Variants in JADE2 observed in about 807,000 individuals in gnomAD.
JADE2 encodes the protein E3 ubiquitin-protein ligase Jade-2.
A neutral mutation model predicts 85.7 loss-of-function variants in JADE2; 13 were observed. The ratio of observed to expected loss-of-function variants is 0.15; its 90% CI spans 0.10 to 0.24. The LOEUF (loss-of-function observed/expected upper bound fraction) is 0.24. Among genes scored for constraint, JADE2 ranks in the 10% least tolerant of loss-of-function variants. The pLI is 1.00. For missense variants in JADE2, 846 were observed against 1,115.9 expected (o/e 0.76, Z 3.45); for synonymous variants, 440 against 456.1 (o/e 0.96, Z 0.45).
At chr5:134,531,046 TGGGTATTCCG>T (rs1159472176) in intron 1 of JADE2, among the ~76,000 whole-genome samples, 2 of 152,162 alleles carry the variant, frequency 1.3e-5, no homozygotes, top group East Asian at 3.8e-4. Context: ...ACAGCTGGGA[TGGGTATTCCG>T]TGGACACTGG....
In JADE2 at chr5:134,564,485, C is replaced by T; in HGVS notation, c.853-9C>T. The T allele has an allele frequency of 6.4e-7, 1 of 1,574,338 alleles. No individual in the cohort carries two copies. Among genetic ancestry groups the T allele is most frequent in the East Asian group, 2.3e-5 (1 of 43,868 alleles). Reference sequence around the variant, plus strand: ...AGAGGAATGATGCAGCCCCCTGTGTCCTGCCCAGGTCAGCATCGGCTGCCC... The same window carrying T: ...AGAGGAATGATGCAGCCCCCTGTGTTCTGCCCAGGTCAGCATCGGCTGCCC... On this transcript the variant is annotated splice_polypyrimidine_tract_variant and intron_variant, in intron 7 of 11. Coordinates refer to ENST00000681547, the MANE Select transcript of JADE2 (RefSeq NM_001388185.1).
At chr5:134,530,771 T>C (rs910025177) in intron 1 of JADE2, among the ~76,000 whole-genome samples, 2 of 152,084 alleles carry the variant, frequency 1.3e-5, no homozygotes, top group African/African-American at 2.4e-5. Flanking sequence ...TAAAGCCTCC[T>C]GGAAAATGTG....
At chr5:134,573,885 C>G (rs1437737955) in intron 10 of JADE2, 123 bp downstream of exon 10, 2 of 770,632 alleles carry the variant, frequency 2.6e-6, no homozygotes, top group Non-Finnish European at 4.7e-6. Flanking sequence ...GGGCCACTGG[C>G]CCCCACTCCT....
intron 7 of JADE2, among the ~76,000 whole-genome samples, chr5:134,563,489 T>C (rs534868162): frequency 3.6e-4 from 55 of 152,296 alleles, no homozygotes; most frequent in Admixed American, 2.4e-3. Context: ...CCTGGGTGCC[T>C]GGCAGGCCAG....
intron 11 of JADE2, 86 bp downstream of exon 11, chr5:134,576,982 C>T (rs548166908): frequency 6.9e-7 from 1 of 1,440,946 alleles, no homozygotes; most frequent in Non-Finnish European, 9.2e-7. Flanking sequence ...GGAAGGCCAG[C>T]TGCACAGAGT....
intron 6 of JADE2, 25 bp downstream of exon 6, chr5:134,560,982 C>T: frequency 5.0e-6 from 8 of 1,597,572 alleles, no homozygotes; most frequent in Non-Finnish European, 6.8e-6. Context: ...CAGTCACCCT[C>T]ACCTGTGCCA....
Position 134,530,647 on chromosome 5 carries a change from A to T in JADE2, c.-1+4636A>T, listed in dbSNP as rs534191703. Among the ~76,000 whole-genome samples, 86 of 152,374 alleles carry T rather than the reference A, an allele frequency of 5.6e-4. 1 individual carries two copies. Among genetic ancestry groups the T allele is most frequent in the Non-Finnish European group, 6.6e-4 (45 of 68,032 alleles). ...CATTGGGCATTGGTGTTTTAAGTCC[A>T]GACCTGAGGCCCTCACTAAGGCCAA... is the stretch of plus-strand genomic sequence containing the variant. On this transcript the variant is annotated intron_variant, in intron 1 of 11. Coordinates refer to ENST00000681547, the MANE Select transcript of JADE2 (RefSeq NM_001388185.1).
At chr5:134,546,382 G>T (rs549662865) in intron 3 of JADE2, among the ~76,000 whole-genome samples, 116 of 152,280 alleles carry the variant, frequency 7.6e-4, no homozygotes, top group Non-Finnish European at 2.4e-4. Flanking sequence ...GTCAAACACT[G>T]TGCCAAAAGC....
At chr5:134,533,559 G>A (rs1761382615) in intron 1 of JADE2, 1 of 985,256 alleles carries the variant, frequency 1.0e-6, no homozygotes, top group Non-Finnish European at 1.2e-6. Flanking sequence ...AAGAGAAATG[G>A]AATTCGCTTA....
In JADE2 at chr5:134,550,765, C is replaced by T. The variant is rs1581429180; in HGVS notation, c.154-1287C>T. 2.0e-5 allele frequency among the ~76,000 whole-genome samples: 3 copies of T among 152,158 alleles called. No individual in the cohort carries two copies. The South Asian group carries it at 6.2e-4, about 32-fold the overall frequency. ...GCCCAGGCAGAGTTTAGAGCTTGTT[C>T]TGAGGTGGAACTGGGGGTGGAGGTG... On this transcript the variant is annotated intron_variant, in intron 3 of 11. Transcript: ENST00000681547.
chr5:134,565,974 G>A, intron 8 of JADE2, 142 bp from the exon 9 acceptor site: 1 of 696,210 alleles, frequency 1.4e-6, no homozygotes, highest in South Asian at 1.9e-5. Flanking sequence ...ATCCTGCACA[G>A]GAGGTTGGGA....
chr5:134,533,915 T>G (rs1214319304), intron 1 of JADE2, among the ~76,000 whole-genome samples: 1 of 151,958 alleles, frequency 6.6e-6, no homozygotes, highest in Non-Finnish European at 1.5e-5. Context: ...ACTGGCTAAT[T>G]TTTAAATTTT....
chr5:134,555,668 G>A (rs1310606553), intron 4 of JADE2, among the ~76,000 whole-genome samples: 4 of 152,198 alleles, frequency 2.6e-5, no homozygotes, highest in Non-Finnish European at 4.4e-5. Context: ...GTGGGCATCC[G>A]GACACCCCCA....
rs1009730352 is a variant in JADE2 at position 134,582,989 on chromosome 5, A to G, written c.*3672A>G. ...AAAGACCTATTTCTCCTTTTTGTAC[A>G]TTGTCCATGTGCGCAACCCTTAACG... is the stretch of plus-strand genomic sequence containing the variant. On this transcript the variant is annotated 3_prime_UTR_variant, in exon 12 of 12. Coordinates refer to ENST00000681547, the MANE Select transcript of JADE2 (RefSeq NM_001388185.1). 6 of 152,612 alleles carry G rather than the reference A, an allele frequency of 3.9e-5. No individual in the cohort carries two copies. The highest frequency in any genetic ancestry group is 1.2e-4 in the African/African-American group (5 of 41,438). 9.5% of individuals were successfully genotyped at this position (152,612 alleles called of 1,614,324 possible).
intron 3 of JADE2, among the ~76,000 whole-genome samples, chr5:134,540,312 A>C (rs2149891260): frequency 6.6e-6 from 1 of 151,400 alleles, no homozygotes; most frequent in Middle Eastern, 3.4e-3. Context: ...TCAAACTTTC[A>C]GGCTCAAGTG....
rs945671774 is a variant in JADE2, at chr5:134,583,045, G to C, written c.*3728G>C. ...TAGAATGTATGGTCACCTGGGTGTG[G>C]CCAGTGCCCGCTGTGCCCTGCATGA... is the stretch of plus-strand genomic sequence containing the variant. On this transcript the variant is annotated 3_prime_UTR_variant, in exon 12 of 12. Coordinates refer to ENST00000681547, the MANE Select transcript of JADE2 (RefSeq NM_001388185.1). The C allele has an allele frequency of 2.6e-5, 4 of 152,624 alleles. No homozygotes were observed. Among genetic ancestry groups the C allele is most frequent in the African/African-American group, 9.7e-5 (4 of 41,434 alleles). The allele number at this position is 152,624 out of a possible 1,614,324, so 9.5% of individuals were successfully genotyped here. A position where few individuals can be genotyped will look rare whatever the true frequency, so the allele number is the denominator to read the frequency against.
intron 1 of JADE2, chr5:134,526,222 C>T: frequency 1.0e-6 from 1 of 985,382 alleles, no homozygotes; most frequent in Non-Finnish European, 1.2e-6. Flanking sequence ...GTTGGTCAGT[C>T]GTGTTTTAAA....
In JADE2 at chr5:134,581,091, G is replaced by A. The variant is rs1234343878; in HGVS notation, c.*1774G>A. On this transcript the variant is annotated 3_prime_UTR_variant, in exon 12 of 12. Transcript: ENST00000681547. ...AAGGTACGACAGTGGCATTGTCATC[G>A]ACACTCAATTTCATGTGAATTTTAG... 2 of 152,566 alleles carry A rather than the reference G, an allele frequency of 1.3e-5. No individual in the cohort carries two copies. The highest frequency in any genetic ancestry group is 3.8e-4 in the East Asian group (2 of 5,198). 9.5% of individuals were successfully genotyped at this position (152,566 alleles called of 1,614,324 possible). A position where few individuals can be genotyped will look rare whatever the true frequency, so the allele number is the denominator to read the frequency against.
intron 4 of JADE2, 137 bp from the exon 5 acceptor site, chr5:134,559,693 G>A (rs1763206763): frequency 5.4e-6 from 4 of 743,470 alleles, no homozygotes; most frequent in Non-Finnish European, 8.4e-6. Context: ...AGGAGGGGGT[G>A]GAAGGAGGTG....
Sources: gnomAD v4.1 joint callset for allele counts (sites outside exome capture counted in the v4.1 genomes callset) on GRCh38, gnomAD v4.1.1 for gene constraint, MANE v1.5 for transcripts, NCBI Gene and HGNC (gene_info 2026-07-23, HGNC 2026-07-21) for gene names.